The following PKD2 variants were observed in gnomAD, a reference collection of about 807,000 sequenced individuals.
The protein encoded by PKD2 is polycystin-2.
Under a neutral mutation model 105.9 loss-of-function variants are expected in PKD2, and 48 were observed. The ratio of observed to expected loss-of-function variants is 0.45; its 90% CI spans 0.36 to 0.58. PKD2 has a LOEUF of 0.58. Ranked by LOEUF, PKD2 falls within the 20% of genes least tolerant of loss-of-function variation. PKD2 has a pLI of 0.00. For synonymous variants in PKD2, 464 were observed against 481.1 expected (o/e 0.96, Z 0.46); for missense variants, 1,078 against 1,255.3 (o/e 0.86, Z 2.13).
intron 4 of PKD2, among the ~76,000 whole-genome samples, chr4:88,039,557 C>A (rs1343280086): frequency 1.3e-5 from 2 of 150,242 alleles, no homozygotes; most frequent in African/African-American, 4.9e-5. Flanking sequence ...CACAGCTATT[C>A]GGGAGGCTGA....
chr4:88,067,844 C>G, intron 12 of PKD2, 54 bp from the exon 13 acceptor site: 1 of 1,534,478 alleles, frequency 6.5e-7, no homozygotes, highest in Non-Finnish European at 9.0e-7. Flanking sequence ...CTTGGTGAGG[C>G]TTCTGTGGGG....
chr4:88,007,959 TCTC>T lies in PKD2; in HGVS notation c.231_233del (p.Pro78del), dbSNP rs1726234635. On this transcript the variant is annotated inframe_deletion, in exon 1 of 15. Coordinates refer to ENST00000237596, the MANE Select transcript of PKD2 (RefSeq NM_000297.4). The stretch of plus-strand genomic sequence containing the variant: ...CCCGGCCGGAGCCGCGGCCTCCCCT[TCTC>T]CTCCGCTCTCGTCGTGCTCCCGGCA... 5 of 1,487,460 alleles carry T rather than the reference TCTC, an allele frequency of 3.4e-6. No homozygotes were observed. The highest frequency in any genetic ancestry group is 4.5e-6 in the Non-Finnish European group (5 of 1,121,174). The allele number at this position is 1,487,460 out of a possible 1,614,324, so 92.1% of individuals were successfully genotyped here.
intron 1 of PKD2, among the ~76,000 whole-genome samples, chr4:88,018,016 A>G (rs1264844066): frequency 6.6e-6 from 1 of 152,180 alleles, no homozygotes; most frequent in Non-Finnish European, 1.5e-5. Flanking sequence ...TCTAAGTTGT[A>G]ATTTTCCATG....
intron 1 of PKD2, among the ~76,000 whole-genome samples, chr4:88,009,280 C>G (rs968263913): frequency 1.3e-5 from 2 of 152,156 alleles, no homozygotes; most frequent in Non-Finnish European, 2.9e-5. Flanking sequence ...TTATTTTAAT[C>G]TATATTTTTA....
chr4:88,077,392 C>T lies in PKD2; in HGVS notation c.*1698C>T, dbSNP rs1373007470. 6.6e-6 allele frequency: 1 copy of T among 152,572 alleles called. No homozygotes were observed. The highest frequency in any genetic ancestry group is 1.9e-4 in the East Asian group (1 of 5,190). 9.5% of individuals were successfully genotyped at this position (152,572 alleles called of 1,614,324 possible). On this transcript the variant is annotated 3_prime_UTR_variant, in exon 15 of 15. Coordinates refer to ENST00000237596, the MANE Select transcript of PKD2 (RefSeq NM_000297.4). ...TTGCATTCCAGGGATATTGACTGTA[C>T]ATATTTATGTATATGTACCATGTTG...
At chr4:88,011,102 A>G (rs1290260798) in intron 1 of PKD2, among the ~76,000 whole-genome samples, 5 of 152,232 alleles carry the variant, frequency 3.3e-5, no homozygotes, top group African/African-American at 1.2e-4. Flanking sequence ...GCCTGGACCA[A>G]AGGAAGCCAA....
chr4:88,045,033 G>A (rs1168988340), intron 5 of PKD2, among the ~76,000 whole-genome samples: 5 of 152,170 alleles, frequency 3.3e-5, no homozygotes, highest in African/African-American at 9.7e-5. Flanking sequence ...AAAAGGAAGA[G>A]AATAAAAACA....
chr4:88,057,232 C>G (rs1720384713), intron 8 of PKD2, among the ~76,000 whole-genome samples: 1 of 151,740 alleles, frequency 6.6e-6, no homozygotes, highest in South Asian at 2.1e-4. Flanking sequence ...CTCACACTGT[C>G]CTCTCACCTC....
Position 88,043,317 on chromosome 4 carries a change from G to A in PKD2, c.1179G>A (p.Leu393=). Reference sequence around the variant, plus strand: ...CTTATAGTGGAGCTGGCTATTATCTGGATTTGTCAAGAACAAGAGAGGAAA... The same window carrying A: ...CTTATAGTGGAGCTGGCTATTATCTAGATTTGTCAAGAACAAGAGAGGAAA... ...IATYSGAGYY[L]DLSRTREETA... The change falls in exon 5 of 15, where the codon CTG becomes CTA. Residue 393 remains leucine (L), a synonymous_variant. Transcript: ENST00000237596. The A allele has an allele frequency of 6.2e-7, 1 of 1,613,570 alleles. No individual in the cohort carries two copies. The highest frequency in any genetic ancestry group is 8.5e-7 in the Non-Finnish European group (1 of 1,179,544).
intron 6 of PKD2, among the ~76,000 whole-genome samples, chr4:88,050,785 A>C (rs1438971953): frequency 6.6e-6 from 1 of 152,028 alleles, no homozygotes; most frequent in Non-Finnish European, 1.5e-5. Flanking sequence ...CCACCAACAC[A>C]AAAATACAAG....
chr4:88,046,871 G>A lies in PKD2; in HGVS notation c.1548+1G>A, dbSNP rs752024467. On this transcript the variant is annotated splice_donor_variant, in intron 6 of 14. Coordinates refer to ENST00000237596, the MANE Select transcript of PKD2 (RefSeq NM_000297.4). LOFTEE classifies it high-confidence loss of function. ...TTGTCTGGATGTTGTGATCGTTGTG[G>A]TAGGTTTGAGAACAACACCAAATTT... is the stretch of plus-strand genomic sequence containing the variant. 1 of 1,567,978 alleles carries A rather than the reference G, an allele frequency of 6.4e-7. No individual in the cohort carries two copies. Among genetic ancestry groups the A allele is most frequent in the South Asian group, 1.1e-5 (1 of 90,072 alleles).
Position 88,075,576 on chromosome 4 carries a change from G to T in PKD2, c.2789G>T (p.Gly930Val). The T allele has an allele frequency of 6.2e-7, 1 of 1,614,060 alleles. No individual in the cohort carries two copies. Among genetic ancestry groups the T allele is most frequent in the Non-Finnish European group, 8.5e-7 (1 of 1,179,918 alleles). The change falls in exon 15 of 15, where the codon GGC (glycine) becomes GTC (valine). Residue 930 changes from glycine to valine, a missense_variant. By Grantham distance (109) the Gly-to-Val change is moderately radical. Coordinates refer to ENST00000237596, the MANE Select transcript of PKD2 (RefSeq NM_000297.4). ...GCTTCCCAGATCAGTCATGGTTTAG[G>T]CACGCCAGTGGGACTAAATGGTCAA... ...DAASQISHGLGTPVGLNGQPR... is the reference protein window; with the variant it reads ...DAASQISHGLVTPVGLNGQPR...
chr4:88,033,281 G>C (rs1727224160), intron 2 of PKD2, among the ~76,000 whole-genome samples: 2 of 152,054 alleles, frequency 1.3e-5, no homozygotes, highest in African/African-American at 4.8e-5. Flanking sequence ...TTGAAAATTA[G>C]CTGGCCATGG....
intron 6 of PKD2, 152 bp from the exon 7 acceptor site, chr4:88,051,839 T>G: frequency 1.7e-6 from 1 of 596,544 alleles, no homozygotes; most frequent in South Asian, 2.2e-5. Flanking sequence ...CACTTTCCAT[T>G]TGAGTGAGTG....
intron 7 of PKD2, among the ~76,000 whole-genome samples, chr4:88,054,004 G>A (rs1242883166): frequency 1.3e-5 from 2 of 152,110 alleles, no homozygotes; most frequent in Admixed American, 1.3e-4. Flanking sequence ...GTCAGAGCCT[G>A]TGCTGGTGAA....
At chr4:88,060,456 A>ATATATATATATATATC (rs962988624) in intron 9 of PKD2, among the ~76,000 whole-genome samples, 1 of 151,140 alleles carries the variant, frequency 6.6e-6, no homozygotes, top group South Asian at 2.1e-4. Context: ...ATATATATAT[A>ATATATATATATATATC]TCATATATAC....
intron 2 of PKD2, 74 bp downstream of exon 2, chr4:88,019,645 G>T: frequency 1.2e-6 from 1 of 850,898 alleles, no homozygotes; most frequent in Non-Finnish European, 2.0e-6. Flanking sequence ...TAATTAAAAG[G>T]AAGTGTGTAT....
chr4:88,035,804 G>C (rs1360936068), intron 2 of PKD2, among the ~76,000 whole-genome samples: 1 of 152,186 alleles, frequency 6.6e-6, no homozygotes, highest in Non-Finnish European at 1.5e-5. Context: ...GAGTAGGCTG[G>C]TGTGCACAGC....
chr4:88,013,914 T>C (rs1182093358), intron 1 of PKD2, among the ~76,000 whole-genome samples: 1 of 152,058 alleles, frequency 6.6e-6, no homozygotes, highest in Non-Finnish European at 1.5e-5. Flanking sequence ...TTGGAGCCAG[T>C]GTGGGCTTCA....
Sources: gnomAD v4.1 joint callset for allele counts (sites outside exome capture counted in the v4.1 genomes callset) on GRCh38, gnomAD v4.1.1 for gene constraint, MANE v1.5 for transcripts, NCBI Gene and HGNC (gene_info 2026-07-23, HGNC 2026-07-21) for gene names.